The following WASF2 variants were observed in gnomAD, a reference collection of about 807,000 sequenced individuals.
WASF2 encodes actin-binding protein WASF2.
A neutral mutation model predicts 45.0 loss-of-function variants in WASF2; 14 were observed. That is an observed-to-expected ratio of 0.31 (90% CI 0.21 to 0.49). The LOEUF (loss-of-function observed/expected upper bound fraction) is 0.49, where lower values mean the gene tolerates loss of function less well. Ranked by LOEUF, WASF2 falls within the 20% of genes least tolerant of loss-of-function variation. The probability of loss-of-function intolerance (pLI) is 0.99; values close to 1 mark genes in which losing one functional copy is unlikely to be tolerated. For missense variants in WASF2, 439 were observed against 636.1 expected, an observed-to-expected ratio of 0.69 and a Z score of 3.33; for synonymous variants, 200 against 236.3, an observed-to-expected ratio of 0.85 and a Z score of 1.41.
At chr1:27,488,516 A>G (rs1395548631) in intron 1 of WASF2, among the ~76,000 whole-genome samples, 1 of 152,166 alleles carries the variant, frequency 6.6e-6, no homozygotes, top group Admixed American at 6.5e-5. Context: ...AGTCTAGTCT[A>G]TATACACCAA....
chr1:27,479,629 C>A (rs1475897986), intron 1 of WASF2, among the ~76,000 whole-genome samples: 1 of 152,204 alleles, frequency 6.6e-6, no homozygotes, highest in African/African-American at 2.4e-5. Flanking sequence ...CTTTGGGAGG[C>A]CAAGGCGGGT....
chr1:27,416,374 G>GA (rs2016826209), intron 4 of WASF2, among the ~76,000 whole-genome samples: 1 of 152,148 alleles, frequency 6.6e-6, no homozygotes, highest in South Asian at 2.1e-4. Flanking sequence ...TAGCAGCAGG[G>GA]ATCCTGATTA....
At chr1:27,435,373 T>G (rs962670495) in intron 1 of WASF2, among the ~76,000 whole-genome samples, 8 of 152,168 alleles carry the variant, frequency 5.3e-5, no homozygotes, top group Admixed American at 6.5e-5. Context: ...TTGCTTGAGC[T>G]CAGGAGTTCA....
intron 6 of WASF2, among the ~76,000 whole-genome samples, chr1:27,413,451 C>G (rs527808427): frequency 9.3e-4 from 142 of 152,298 alleles, no homozygotes; most frequent in African/African-American, 3.0e-3. Flanking sequence ...CCACCTCCCC[C>G]TCTTTCCACC....
intron 1 of WASF2, among the ~76,000 whole-genome samples, chr1:27,462,866 C>G (rs1301207925): frequency 4.6e-5 from 7 of 152,040 alleles, no homozygotes; most frequent in Non-Finnish European, 1.5e-5. Flanking sequence ...TGGAGTCTCA[C>G]TCTGTCGCAA....
intron 1 of WASF2, among the ~76,000 whole-genome samples, chr1:27,477,792 G>C (rs2017786324): frequency 7.9e-6 from 1 of 126,776 alleles, no homozygotes; most frequent in Non-Finnish European, 1.6e-5. Flanking sequence ...CCAGCTACTT[G>C]GGAGGCTGAG....
At chr1:27,424,128 A>G (rs2016945179) in intron 2 of WASF2, among the ~76,000 whole-genome samples, 1 of 152,232 alleles carries the variant, frequency 6.6e-6, no homozygotes, top group Non-Finnish European at 1.5e-5. Context: ...TTTTAGTTTT[A>G]TGCTTTATCC....
At chr1:27,460,997 T>A (rs566108245) in intron 1 of WASF2, among the ~76,000 whole-genome samples, 84 of 151,742 alleles carry the variant, frequency 5.5e-4, no homozygotes, top group African/African-American at 2.0e-3. Context: ...ATACAAAAAA[T>A]TATCTGGGGG....
In WASF2 at chr1:27,466,378, C is replaced by T. The variant is rs1298442914; in HGVS notation, c.-44+23608G>A. Among the ~76,000 whole-genome samples the T allele has an allele frequency of 2.0e-5, 3 of 152,100 alleles. No homozygotes were observed. In the South Asian group the frequency reaches 6.2e-4, roughly 32 times the overall value. ...AAAAGAGACATCTGGACATTATGAGCCTCCTCACAGAATAATACACCACCA... is the reference window on the plus strand; with the variant it reads ...AAAAGAGACATCTGGACATTATGAGTCTCCTCACAGAATAATACACCACCA... On this transcript the variant is annotated intron_variant, in intron 1 of 8. Coordinates refer to ENST00000618852, the MANE Select transcript of WASF2 (RefSeq NM_006990.5).
chr1:27,464,792 G>C (rs1391597750), intron 1 of WASF2, among the ~76,000 whole-genome samples: 1 of 152,188 alleles, frequency 6.6e-6, no homozygotes, highest in Admixed American at 6.5e-5. Flanking sequence ...GCAGTGGCAC[G>C]ATCTTGGCTT....
rs1437110964 is a variant in WASF2, at chr1:27,473,149, A to G, written c.-44+16837T>C. Among the ~76,000 whole-genome samples the G allele has an allele frequency of 2.0e-5, 3 of 152,136 alleles. No homozygotes were observed. In the East Asian group the frequency reaches 5.8e-4, roughly 29 times the overall value. On this transcript the variant is annotated intron_variant, in intron 1 of 8. Transcript: ENST00000618852. ...ATACAATAAAAGGACAAATAACCCA[A>G]TTTTAAAAGAAGCAACAGATTTAAA...
chr1:27,488,207 C>T (rs2017972576), intron 1 of WASF2, among the ~76,000 whole-genome samples: 1 of 152,136 alleles, frequency 6.6e-6, no homozygotes, highest in Non-Finnish European at 1.5e-5. Flanking sequence ...AGAACAATAC[C>T]CATAGCCGTC....
chr1:27,475,312 C>T (rs2017751714), intron 1 of WASF2, among the ~76,000 whole-genome samples: 1 of 152,114 alleles, frequency 6.6e-6, no homozygotes, highest in Admixed American at 6.6e-5. Context: ...CTGGCTCCTA[C>T]CCATCTCTCC....
At chr1:27,451,756 T>A (rs1446470863) in intron 1 of WASF2, among the ~76,000 whole-genome samples, 1 of 152,220 alleles carries the variant, frequency 6.6e-6, no homozygotes, top group Admixed American at 6.5e-5. Context: ...AAAGACCAGG[T>A]ACACTTTCTT....
chr1:27,474,483 AC>A (rs151183830), intron 1 of WASF2, among the ~76,000 whole-genome samples: 120 of 152,120 alleles, frequency 7.9e-4, no homozygotes, highest in Middle Eastern at 3.4e-3. Context: ...AAAAAATAAA[AC>A]AATTAGGCTG....
chr1:27,439,224 G>C (rs1382632245), intron 1 of WASF2, among the ~76,000 whole-genome samples: 3 of 152,214 alleles, frequency 2.0e-5, no homozygotes, highest in Non-Finnish European at 4.4e-5. Flanking sequence ...TGTCTGTAAA[G>C]TTGTTGTGAA....
chr1:27,438,154 A>G (rs1194233069), intron 1 of WASF2, among the ~76,000 whole-genome samples: 1 of 152,234 alleles, frequency 6.6e-6, no homozygotes, highest in African/African-American at 2.4e-5. Context: ...TCTCCCAGAC[A>G]AACAGCCAAA....
At chr1:27,418,239 T>C (rs199553956) in intron 4 of WASF2, 30 bp downstream of exon 4, 172 of 1,598,984 alleles carry the variant, frequency 1.1e-4, no homozygotes, top group Middle Eastern at 5.0e-4. Flanking sequence ...AACCATAGGT[T>C]GAAAAAGGGA....
intron 1 of WASF2, among the ~76,000 whole-genome samples, chr1:27,449,327 G>T (rs2017351144): frequency 6.6e-6 from 1 of 152,130 alleles, no homozygotes; most frequent in Admixed American, 6.6e-5. Flanking sequence ...GCCAGGTGCG[G>T]TAGCTCACGC....
Sources: allele counts gnomAD v4.1 joint callset (sites outside exome capture counted in the v4.1 genomes callset), GRCh38; gene constraint gnomAD v4.1.1; transcripts MANE v1.5; gene names NCBI Gene and HGNC (gene_info 2026-07-23, HGNC 2026-07-21).